SNTG1: variants seen among roughly 807,000 people sequenced by gnomAD.
SNTG1 encodes the protein syntrophin gamma 1.
Under a neutral mutation model 74.7 loss-of-function variants are expected in SNTG1, and 39 were observed. The ratio of observed to expected loss-of-function variants is 0.52; its 90% CI spans 0.40 to 0.68. The LOEUF (loss-of-function observed/expected upper bound fraction) is 0.68, where lower values mean the gene tolerates loss of function less well. Among genes scored for constraint, SNTG1 ranks in the 30% least tolerant of loss-of-function variants. The probability of loss-of-function intolerance (pLI) is 0.00; values close to 1 mark genes in which losing one functional copy is unlikely to be tolerated. For synonymous variants in SNTG1, 254 were observed against 217.1 expected, an observed-to-expected ratio of 1.17 and a Z score of -1.49; for missense variants, 685 against 609.5, an observed-to-expected ratio of 1.12 and a Z score of -1.30.
chr8:50,549,323 G>A (rs555573162), intron 11 of SNTG1, among the ~76,000 whole-genome samples: 1 of 152,228 alleles, frequency 6.6e-6, no homozygotes, highest in Admixed American at 6.5e-5. Flanking sequence ...AAATGCAACA[G>A]TCACAAACCC....
rs1241748304 is a variant in SNTG1, at chr8:50,392,720, AAAG to A, written c.-27-1489_-27-1487del. 2.6e-5 allele frequency among the ~76,000 whole-genome samples: 4 copies of A among 152,172 alleles called. No individual in the cohort carries two copies. The East Asian group carries it at 7.7e-4, about 29-fold the overall frequency. ...TATTATCACCTAATGTTTTGATGAA[AAAG>A]AATAGAAGATTAGAATTGAAAAAAG... On this transcript the variant is annotated intron_variant, in intron 2 of 18. Coordinates refer to ENST00000642720, the MANE Select transcript of SNTG1 (RefSeq NM_018967.5).
chr8:50,030,794 CT>C (rs1283442978), intron 1 of SNTG1, among the ~76,000 whole-genome samples: 2 of 152,000 alleles, frequency 1.3e-5, no homozygotes, highest in East Asian at 1.9e-4. Context: ...CCTTATTCTT[CT>C]TTTCAAAATT....
At chr8:49,958,620 C>T (rs1810399849) in intron 1 of SNTG1, among the ~76,000 whole-genome samples, 1 of 152,072 alleles carries the variant, frequency 6.6e-6, no homozygotes, top group African/African-American at 2.4e-5. Context: ...AAGGTTTCAC[C>T]ATGTTGGCCA....
intron 2 of SNTG1, among the ~76,000 whole-genome samples, chr8:50,310,894 A>G (rs895543416): frequency 6.6e-6 from 1 of 152,230 alleles, no homozygotes; most frequent in Non-Finnish European, 1.5e-5. Flanking sequence ...ATGAAATGTC[A>G]TAGCTAAATG....
Position 50,205,707 on chromosome 8 carries a change from C to A in SNTG1, c.-28+33072C>A, listed in dbSNP as rs987806361. Among the ~76,000 whole-genome samples the A allele has an allele frequency of 5.3e-5, 8 of 152,282 alleles. No individual in the cohort carries two copies. The East Asian group carries it at 1.5e-3, about 29-fold the overall frequency. ...AGGGTTTTTATGGTTTTAGGTCTAA[C>A]ATGTAAGTCTTTAATCCATCTTGAA... On this transcript the variant is annotated intron_variant, in intron 2 of 18. Coordinates refer to ENST00000642720, the MANE Select transcript of SNTG1 (RefSeq NM_018967.5).
intron 2 of SNTG1, among the ~76,000 whole-genome samples, chr8:50,306,687 A>C (rs1229240873): frequency 6.6e-6 from 1 of 151,512 alleles, no homozygotes; most frequent in Non-Finnish European, 1.5e-5. Flanking sequence ...AGCCATTTTT[A>C]TATCTTTTTT....
At chr8:50,097,831 C>T (rs908015112) in intron 1 of SNTG1, among the ~76,000 whole-genome samples, 3 of 152,090 alleles carry the variant, frequency 2.0e-5, no homozygotes, top group African/African-American at 7.2e-5. Flanking sequence ...TACAAAAGAA[C>T]TTTTTATGTA....
intron 3 of SNTG1, 61 bp from the exon 4 acceptor site, chr8:50,402,149 A>C: frequency 1.3e-6 from 2 of 1,534,370 alleles, no homozygotes; most frequent in South Asian, 2.5e-5. Context: ...CTGGCCACAA[A>C]ATTACAACCT....
intron 2 of SNTG1, among the ~76,000 whole-genome samples, chr8:50,309,007 T>C (rs182619920): frequency 1.3e-5 from 2 of 152,190 alleles, no homozygotes; most frequent in Admixed American, 6.5e-5. Flanking sequence ...GCTTTCCTGA[T>C]AGAACACAAA....
At chr8:50,461,156 GGTGTGTGTGTGTGTGT>G (rs71233496) in intron 8 of SNTG1, among the ~76,000 whole-genome samples, 52 of 124,174 alleles carry the variant, frequency 4.2e-4, no homozygotes, top group African/African-American at 6.3e-4. Flanking sequence ...AGATTTTTCT[GGTGTGTGTGTGTGTGT>G]GTGTGTGTGT....
intron 2 of SNTG1, among the ~76,000 whole-genome samples, chr8:50,213,714 G>A (rs149569744): frequency 0.017 from 2,532 of 151,826 alleles, 59 homozygotes; most frequent in African/African-American, 0.052. Context: ...TTTTTTGGCT[G>A]CATAAATGTC....
At chr8:50,138,625 CAACAATAAT>C (rs372143090) in intron 1 of SNTG1, among the ~76,000 whole-genome samples, 1 of 123,632 alleles carries the variant, frequency 8.1e-6, no homozygotes, top group East Asian at 2.1e-4. Flanking sequence ...AACTCTGTCT[CAACAATAAT>C]AATAATAATA....
At chr8:50,695,002 G>A (rs1282213462) in intron 15 of SNTG1, among the ~76,000 whole-genome samples, 2 of 151,584 alleles carry the variant, frequency 1.3e-5, no homozygotes, top group Non-Finnish European at 2.9e-5. Flanking sequence ...AAAGTTAAAA[G>A]CATTTCCTGT....
At chr8:49,928,178 A>AATAAATAC (rs1261679934) in intron 1 of SNTG1, among the ~76,000 whole-genome samples, 2 of 148,662 alleles carry the variant, frequency 1.3e-5, no homozygotes, top group Non-Finnish European at 3.0e-5. Flanking sequence ...TAAATAAATA[A>AATAAATAC]ATAAAAATAA....
In SNTG1 at chr8:50,502,640, C is replaced by T. The variant is rs566907723; in HGVS notation, c.364-138C>T. 1.1e-4 allele frequency: 68 copies of T among 645,832 alleles called. 1 individual carries two copies. The highest frequency in any genetic ancestry group is 1.5e-4 in the Non-Finnish European group (56 of 372,484). 40.0% of individuals were successfully genotyped at this position (645,832 alleles called of 1,614,324 possible). ...TACTGCAATGATAAATAATTAGCTC[C>T]CTCTATCTTTTATAAAATGTTTCTG... On this transcript the variant is annotated intron_variant, in intron 8 of 18. Coordinates refer to ENST00000642720, the MANE Select transcript of SNTG1 (RefSeq NM_018967.5).
chr8:50,727,135 G>T (rs1265087397), intron 17 of SNTG1, among the ~76,000 whole-genome samples: 2 of 152,134 alleles, frequency 1.3e-5, no homozygotes, highest in Non-Finnish European at 2.9e-5. Context: ...GGTGTATAAT[G>T]ATAATGATGA....
chr8:50,304,896 A>AT (rs1480367249), intron 2 of SNTG1, among the ~76,000 whole-genome samples: 2 of 151,400 alleles, frequency 1.3e-5, no homozygotes, highest in Non-Finnish European at 2.9e-5. Context: ...TTTTATTTTT[A>AT]TTTTTTATTT....
In SNTG1 at chr8:50,535,826, C is replaced by T. The variant is rs550078915; in HGVS notation, c.550-852C>T. On this transcript the variant is annotated intron_variant, in intron 10 of 18. Transcript: ENST00000642720. ...ATAGAATCTTCTTCCAACACTATCA[C>T]TCAAAAATTAGTGAATAAAGGGAAG... Among the ~76,000 whole-genome samples, 283 of 152,260 alleles carry T rather than the reference C, an allele frequency of 1.9e-3. 1 individual carries two copies. Among genetic ancestry groups the T allele is most frequent in the African/African-American group, 6.0e-3 (249 of 41,556 alleles).
intron 1 of SNTG1, among the ~76,000 whole-genome samples, chr8:50,095,502 A>C (rs1041513111): frequency 6.6e-6 from 1 of 152,178 alleles, no homozygotes; most frequent in Non-Finnish European, 1.5e-5. Flanking sequence ...TGCCAGTTAT[A>C]CAGTGGATTT....
Sources: gnomAD v4.1 joint callset for allele counts (sites outside exome capture counted in the v4.1 genomes callset) on GRCh38, gnomAD v4.1.1 for gene constraint, MANE v1.5 for transcripts, NCBI Gene and HGNC (gene_info 2026-07-23, HGNC 2026-07-21) for gene names.